Variants in CEP41 observed in about 807,000 individuals in gnomAD.
CEP41 encodes centrosomal protein of 41 kDa.
CEP41 carries 32 observed loss-of-function variants against 44.3 expected under a neutral mutation model. The observed-to-expected ratio is 0.72, with a 90% CI of 0.54 to 0.97. The LOEUF (loss-of-function observed/expected upper bound fraction) is 0.97, where lower values mean the gene tolerates loss of function less well. Among genes scored for constraint, CEP41 ranks in the 50% least tolerant of loss-of-function variants. The pLI, the probability that CEP41 is intolerant of heterozygous loss-of-function variation, is 0.00. For missense variants in CEP41, 432 were observed against 455.2 expected, an observed-to-expected ratio of 0.95 and a Z score of 0.46; for synonymous variants, 151 against 168.5, an observed-to-expected ratio of 0.90 and a Z score of 0.80.
chr7:130,429,810 A>G (rs1457993188), intron 1 of CEP41, among the ~76,000 whole-genome samples: 1 of 152,102 alleles, frequency 6.6e-6, no homozygotes, highest in Non-Finnish European at 1.5e-5. Context: ...TTAAACCTCA[A>G]TCTTCTTCCC....
At position 130,396,342 on chromosome 7, in the gene CEP41, C is replaced by T. The variant is rs1330063737; in HGVS notation, c.*2549G>A. 3 of 454,088 alleles carry T rather than the reference C, an allele frequency of 6.6e-6. No homozygotes were observed. Among genetic ancestry groups the T allele is most frequent in the South Asian group, 3.1e-5 (2 of 64,472 alleles). 28.1% of individuals were successfully genotyped at this position (454,088 alleles called of 1,614,324 possible). A position where few individuals can be genotyped will look rare whatever the true frequency, so the allele number is the denominator to read the frequency against. On this transcript the variant is annotated 3_prime_UTR_variant, in exon 11 of 11. Coordinates refer to ENST00000223208, the MANE Select transcript of CEP41 (RefSeq NM_018718.3). ...GCCTGAGCAGGAAAAGAAATCCAGG[C>T]TTTCTGACTGGAGAGCTGAGGCCCC...
In CEP41 at chr7:130,437,764, C is replaced by CAA. The variant is rs1171735164; in HGVS notation, c.33+3168_33+3169dup. On this transcript the variant is annotated intron_variant, in intron 1 of 10. Transcript: ENST00000223208. ...CCTGGGTGACAAAGCAAGACTGTCT[C>CAA]AAAAAAAAAAAAAAAAAAAAAAAAG... is the stretch of plus-strand genomic sequence containing the variant. Among the ~76,000 whole-genome samples the CAA allele has an allele frequency of 9.3e-3, 298 of 31,998 alleles. 1 individual carries two copies. The highest frequency in any genetic ancestry group is 0.014 in the African/African-American group (116 of 8,268). 21.0% of individuals were successfully genotyped at this position (31,998 alleles called of 152,430 possible). A position where few individuals can be genotyped will look rare whatever the true frequency, so the allele number is the denominator to read the frequency against.
intron 6 of CEP41, 67 bp downstream of exon 6, chr7:130,404,497 C>T: frequency 1.5e-6 from 2 of 1,329,922 alleles, no homozygotes; most frequent in Non-Finnish European, 2.2e-6. Flanking sequence ...AAAAAAGATC[C>T]CTGAAATTGG....
chr7:130,394,021 C>T lies in CEP41; in HGVS notation c.*4870G>A. The T allele has an allele frequency of 2.2e-6, 1 of 454,034 alleles. No homozygotes were observed. Among genetic ancestry groups the T allele is most frequent in the Non-Finnish European group, 4.4e-6 (1 of 226,780 alleles). The allele number at this position is 454,034 out of a possible 1,614,324, so 28.1% of individuals were successfully genotyped here. On this transcript the variant is annotated 3_prime_UTR_variant, in exon 11 of 11. Transcript: ENST00000223208. ...GCAGATGTTTCAGTTCCTGAATTTC[C>T]ATCGCCTTTTGTGCAGGCAAGCGGA...
At chr7:130,435,548 A>G (rs1454093894) in intron 1 of CEP41, among the ~76,000 whole-genome samples, 1 of 152,232 alleles carries the variant, frequency 6.6e-6, no homozygotes, top group African/African-American at 2.4e-5. Context: ...ATGGCACTAC[A>G]CATCTATTAT....
intron 2 of CEP41, among the ~76,000 whole-genome samples, chr7:130,417,811 C>T (rs1554421187): frequency 6.6e-6 from 1 of 152,202 alleles, no homozygotes; most frequent in African/African-American, 2.4e-5. Context: ...AAAATAATTT[C>T]TCATTTCTAA....
At position 130,395,382 on chromosome 7, in the gene CEP41, G is replaced by T. The variant is rs1796629139; in HGVS notation, c.*3509C>A. 2.2e-6 allele frequency: 1 copy of T among 453,942 alleles called. No individual in the cohort carries two copies. Among genetic ancestry groups the T allele is most frequent in the African/African-American group, 2.0e-5 (1 of 49,968 alleles). 28.1% of individuals were successfully genotyped at this position (453,942 alleles called of 1,614,324 possible). On this transcript the variant is annotated 3_prime_UTR_variant, in exon 11 of 11. Coordinates refer to ENST00000223208, the MANE Select transcript of CEP41 (RefSeq NM_018718.3). Reference sequence around the variant, plus strand: ...TCCTGGGGAAAAAAAAGTATCGTGGGAGTTAAATCTTTGAAAGAATTGGGA... The same window carrying T: ...TCCTGGGGAAAAAAAAGTATCGTGGTAGTTAAATCTTTGAAAGAATTGGGA...
chr7:130,441,075 G>C, upstream of CEP41: 1 of 1,280,022 alleles, frequency 7.8e-7, no homozygotes. Context: ...CCTCTTCTCC[G>C]ATTGGCCCGT....
At chr7:130,434,299 T>C (rs1797901795) in intron 1 of CEP41, among the ~76,000 whole-genome samples, 1 of 152,190 alleles carries the variant, frequency 6.6e-6, no homozygotes, top group Non-Finnish European at 1.5e-5. Flanking sequence ...GCTATGTGAA[T>C]TACATCTCAA....
rs1554415955 is a variant in CEP41, at chr7:130,398,665, CTA to C, written c.*224_*225del. The C allele has an allele frequency of 1.4e-6, 1 of 721,258 alleles. No individual in the cohort carries two copies. The highest frequency in any genetic ancestry group is 1.7e-5 in the African/African-American group (1 of 58,186). The allele number at this position is 721,258 out of a possible 1,614,324, so 44.7% of individuals were successfully genotyped here. ...TATGCTGTAAACAACAGGGAGGAGA[CTA>C]GAGCCTGTCACACCTCTGGTTTTTA... On this transcript the variant is annotated 3_prime_UTR_variant, in exon 11 of 11. Coordinates refer to ENST00000223208, the MANE Select transcript of CEP41 (RefSeq NM_018718.3).
chr7:130,411,655 C>T (rs1242921267), intron 4 of CEP41, among the ~76,000 whole-genome samples: 1 of 152,146 alleles, frequency 6.6e-6, no homozygotes, highest in Non-Finnish European at 1.5e-5. Context: ...AAGCACTTTT[C>T]ACAACTTAGC....
rs782044927 is a variant in CEP41 at position 130,398,042 on chromosome 7, T to C, written c.*849A>G. ...GGTATTTTCAACTGGCCATAATTTCTGTCCATCTAACATGGATGGACTGAA... is the reference window on the plus strand; with the variant it reads ...GGTATTTTCAACTGGCCATAATTTCCGTCCATCTAACATGGATGGACTGAA... On this transcript the variant is annotated 3_prime_UTR_variant, in exon 11 of 11. Transcript: ENST00000223208. 1.3e-5 allele frequency: 6 copies of C among 454,250 alleles called. No individual in the cohort carries two copies. Among genetic ancestry groups the C allele is most frequent in the South Asian group, 9.3e-5 (6 of 64,478 alleles). The allele number at this position is 454,250 out of a possible 1,614,324, so 28.1% of individuals were successfully genotyped here. A position where few individuals can be genotyped will look rare whatever the true frequency, so the allele number is the denominator to read the frequency against.
At chr7:130,409,597 T>C (rs1347683635) in intron 5 of CEP41, among the ~76,000 whole-genome samples, 4 of 152,320 alleles carry the variant, frequency 2.6e-5, no homozygotes, top group African/African-American at 9.6e-5. Flanking sequence ...TCAGACTTCC[T>C]GAGAAACTTG....
chr7:130,402,040 T>C (rs1554417061), intron 7 of CEP41, 92 bp from the exon 8 acceptor site: 2 of 862,458 alleles, frequency 2.3e-6, no homozygotes, highest in Non-Finnish European at 3.9e-6. Flanking sequence ...AAGAGTTAAA[T>C]ACATCTTCAA....
intron 2 of CEP41, chr7:130,417,177 A>G: frequency 7.3e-7 from 1 of 1,370,802 alleles, no homozygotes. Flanking sequence ...GTTTTGGTAG[A>G]ATGTGTTTAA....
At chr7:130,399,688 C>T (rs549760793) in intron 10 of CEP41, 46 of 263,952 alleles carry the variant, frequency 1.7e-4, no homozygotes, top group African/African-American at 6.9e-4. Flanking sequence ...GGTGTGGTGG[C>T]GGGCACCTGT....
In CEP41 at chr7:130,395,951, A is replaced by G. The variant is rs1554414341; in HGVS notation, c.*2940T>C. 4.4e-6 allele frequency: 2 copies of G among 452,774 alleles called. No homozygotes were observed. Among genetic ancestry groups the G allele is most frequent in the Admixed American group, 4.7e-5 (2 of 42,464 alleles). 28.0% of individuals were successfully genotyped at this position (452,774 alleles called of 1,614,324 possible). A position where few individuals can be genotyped will look rare whatever the true frequency, so the allele number is the denominator to read the frequency against. ...AAATCATTCCATACTTTTTCAAGAGATTGAGCCTGACATTATTACAGCCCA... is the reference window on the plus strand; with the variant it reads ...AAATCATTCCATACTTTTTCAAGAGGTTGAGCCTGACATTATTACAGCCCA... On this transcript the variant is annotated 3_prime_UTR_variant, in exon 11 of 11. Coordinates refer to ENST00000223208, the MANE Select transcript of CEP41 (RefSeq NM_018718.3).
intron 9 of CEP41, 169 bp from the exon 10 acceptor site, chr7:130,400,423 T>G: frequency 1.5e-6 from 1 of 671,340 alleles, no homozygotes; most frequent in Non-Finnish European, 2.7e-6. Context: ...TACCAGAAAA[T>G]ATCTGTTGTT....
At chr7:130,421,469 C>G (rs1554422196) in intron 2 of CEP41, 4 of 984,316 alleles carry the variant, frequency 4.1e-6, no homozygotes, top group Non-Finnish European at 4.8e-6. Flanking sequence ...TTTATAAAAG[C>G]CTTTCACATA....
Sources: allele counts gnomAD v4.1 joint callset (sites outside exome capture counted in the v4.1 genomes callset), GRCh38; gene constraint gnomAD v4.1.1; transcripts MANE v1.5; gene names NCBI Gene and HGNC (gene_info 2026-07-23, HGNC 2026-07-21).